GRIP2: variants seen among roughly 807,000 people sequenced by gnomAD.
GRIP2 encodes the protein glutamate receptor interacting protein 2, also known as glutamate receptor-interacting protein 2.
In GRIP2, 58 loss-of-function variants were observed where a neutral mutation model predicts 108.3. The ratio of observed to expected loss-of-function variants is 0.54; its 90% CI spans 0.43 to 0.67. GRIP2 has a LOEUF of 0.67. GRIP2 is among the 30% of genes least tolerant of loss of function. The probability of loss-of-function intolerance (pLI) is 0.00; values close to 1 mark genes in which losing one functional copy is unlikely to be tolerated. For missense variants in GRIP2, 1,278 were observed against 1,430.6 expected, an observed-to-expected ratio of 0.89 and a Z score of 1.72; for synonymous variants, 586 against 598.2, an observed-to-expected ratio of 0.98 and a Z score of 0.30.
chr3:14,505,843 G>T lies in GRIP2; in HGVS notation c.2399-54C>A. On this transcript the variant is annotated intron_variant, in intron 19 of 23. Transcript: ENST00000621039. This position sits in a 1 kb window ranked among gnomAD's most constrained non-coding sequence, Gnocchi z 4.2. ...CCCTGCGGCCTCACCTTGCCCTCCTGCCTGCCCCATTTCCAGCTGTGCTGA... is the reference window on the plus strand; with the variant it reads ...CCCTGCGGCCTCACCTTGCCCTCCTTCCTGCCCCATTTCCAGCTGTGCTGA... The T allele has an allele frequency of 2.8e-6, 4 of 1,442,576 alleles. No individual in the cohort carries two copies. In the South Asian group the frequency reaches 4.4e-5, roughly 16 times the overall value. The allele number at this position is 1,442,576 out of a possible 1,614,324, so 89.4% of individuals were successfully genotyped here. A position where few individuals can be genotyped will look rare whatever the true frequency, so the allele number is the denominator to read the frequency against.
At chr3:14,589,648 C>T in the GRIP2 span, among the ~76,000 whole-genome samples, 1 of 152,020 alleles carries the variant, frequency 6.6e-6, no homozygotes, top group African/African-American at 2.4e-5. Context: ...AAGGAACGGC[C>T]GGGTCAAAGA....
In GRIP2 at chr3:14,503,549, A is replaced by T. The variant is rs1286203167; in HGVS notation, c.2679+17T>A. 6.3e-6 allele frequency: 10 copies of T among 1,576,128 alleles called. No homozygotes were observed. Among genetic ancestry groups the T allele is most frequent in the Admixed American group, 1.7e-5 (1 of 58,410 alleles). On this transcript the variant is annotated intron_variant, in intron 21 of 23. Coordinates refer to ENST00000621039, the MANE Select transcript of GRIP2 (RefSeq NM_001080423.4). ...CCCCGGGTGCCCCATGCAGGCCTGC[A>T]GGGCAGGCAGCCATACCTCCAGTTC...
chr3:14,553,446 A>C (rs1695184644), intron 1 of GRIP2, among the ~76,000 whole-genome samples: 1 of 151,972 alleles, frequency 6.6e-6, no homozygotes, highest in Non-Finnish European at 1.5e-5. Flanking sequence ...TCCCCTCCTT[A>C]TCTACCTGGC....
chr3:14,503,221 G>A (rs925495035), intron 21 of GRIP2, among the ~76,000 whole-genome samples: 3 of 151,116 alleles, frequency 2.0e-5, no homozygotes, highest in African/African-American at 4.9e-5. Context: ...GTGCACAATC[G>A]GACACACATG....
the GRIP2 span, among the ~76,000 whole-genome samples, chr3:14,561,363 A>G: frequency 1.3e-5 from 2 of 152,208 alleles, no homozygotes; most frequent in African/African-American, 4.8e-5. Flanking sequence ...TCTGGCCTCC[A>G]TGGGCTGTAC....
the GRIP2 span, among the ~76,000 whole-genome samples, chr3:14,583,545 G>A: frequency 6.6e-6 from 1 of 152,178 alleles, no homozygotes; most frequent in African/African-American, 2.4e-5. Flanking sequence ...AGGCTGGGAG[G>A]CTGGGAGGCT....
chr3:14,573,382 T>C, the GRIP2 span: 190,790 of 1,318,620 alleles, frequency 0.14, 14,935 homozygotes, highest in African/African-American at 0.23. Flanking sequence ...TCCCGCGGGA[T>C]GGTCATCTGG....
rs974706672 is a variant in GRIP2, at chr3:14,537,416, C to T, written c.40+2853G>A. ...GCAATCAACACCATCTAAATATTTA[C>T]GACTATTTTTACTGGGATGTCAGCT... On this transcript the variant is annotated intron_variant, in intron 1 of 23. Coordinates refer to ENST00000621039, the MANE Select transcript of GRIP2 (RefSeq NM_001080423.4). 4.6e-5 allele frequency among the ~76,000 whole-genome samples: 7 copies of T among 152,360 alleles called. No homozygotes were observed. In the East Asian group the frequency reaches 5.8e-4, roughly 13 times the overall value.
At chr3:14,532,837 C>G (rs1028642631) in intron 1 of GRIP2, among the ~76,000 whole-genome samples, 1 of 151,944 alleles carries the variant, frequency 6.6e-6, no homozygotes, top group Non-Finnish European at 1.5e-5. Flanking sequence ...CCGGATACTG[C>G]TGAGTTGAGG....
At chr3:14,579,888 C>T in the GRIP2 span, among the ~76,000 whole-genome samples, 1 of 152,240 alleles carries the variant, frequency 6.6e-6, no homozygotes, top group African/African-American at 2.4e-5. Context: ...CAGAACCCCA[C>T]ATCCTTCCAT....
intron 1 of GRIP2, among the ~76,000 whole-genome samples, chr3:14,534,135 G>C (rs1402842936): frequency 3.9e-5 from 6 of 152,194 alleles, no homozygotes; most frequent in Non-Finnish European, 1.5e-5. Flanking sequence ...ATTCAGAGGG[G>C]ACATAGGGCC....
chr3:14,493,628 T>G lies in GRIP2; in HGVS notation c.*37A>C, dbSNP rs756453422. 5 of 1,531,560 alleles carry G rather than the reference T, an allele frequency of 3.3e-6. No individual in the cohort carries two copies. In the Admixed American group the frequency reaches 5.8e-5, roughly 18 times the overall value. 94.9% of individuals were successfully genotyped at this position (1,531,560 alleles called of 1,614,324 possible). ...ACGTGTCTGGGAGCCAGGATCTGCC[T>G]GGGTGGCCCCTTAGGAGTTCGGCCC... On this transcript the variant is annotated 3_prime_UTR_variant, in exon 24 of 24. Transcript: ENST00000621039.
At chr3:14,557,233 T>C (rs1234918774), upstream of GRIP2, among the ~76,000 whole-genome samples, 1 of 152,248 alleles carries the variant, frequency 6.6e-6, no homozygotes, top group Non-Finnish European at 1.5e-5. Context: ...CAGTTCTGGA[T>C]ACACAGATCT....
chr3:14,515,070 T>C (rs1694212410), intron 11 of GRIP2, among the ~76,000 whole-genome samples: 1 of 152,228 alleles, frequency 6.6e-6, no homozygotes, highest in East Asian at 1.9e-4. Flanking sequence ...TCTGGGCACT[T>C]TATATAAACA....
At chr3:14,578,773 G>A in the GRIP2 span, among the ~76,000 whole-genome samples, 1 of 150,482 alleles carries the variant, frequency 6.6e-6, no homozygotes, top group Non-Finnish European at 1.5e-5. Flanking sequence ...TTATTTGTCA[G>A]GTGAGTCAGC....
chr3:14,588,940 A>C, the GRIP2 span, among the ~76,000 whole-genome samples: 1 of 152,036 alleles, frequency 6.6e-6, no homozygotes, highest in Non-Finnish European at 1.5e-5. Flanking sequence ...CAGCCCCCCA[A>C]AACCTGCCTC....
intron 21 of GRIP2, among the ~76,000 whole-genome samples, chr3:14,503,259 T>C (rs1429261274): frequency 1.3e-5 from 2 of 150,892 alleles, no homozygotes; most frequent in Non-Finnish European, 2.9e-5. Flanking sequence ...CAAATGTGCA[T>C]GCATGAGCAT....
intron 21 of GRIP2, among the ~76,000 whole-genome samples, chr3:14,501,542 G>T (rs943483609): frequency 2.0e-5 from 3 of 151,974 alleles, no homozygotes; most frequent in Non-Finnish European, 2.9e-5. Context: ...TTGGTATTAG[G>T]AAAGATTAAA....
chr3:14,493,628 TG>T lies in GRIP2; in HGVS notation c.*36del. On this transcript the variant is annotated 3_prime_UTR_variant, in exon 24 of 24. Transcript: ENST00000621039. ...ACGTGTCTGGGAGCCAGGATCTGCC[TG>T]GGTGGCCCCTTAGGAGTTCGGCCCA... 6.5e-7 allele frequency: 1 copy of T among 1,531,678 alleles called. No homozygotes were observed. Among genetic ancestry groups the T allele is most frequent in the South Asian group, 1.2e-5 (1 of 82,872 alleles). The allele number at this position is 1,531,678 out of a possible 1,614,324, so 94.9% of individuals were successfully genotyped here. A position where few individuals can be genotyped will look rare whatever the true frequency, so the allele number is the denominator to read the frequency against.
Sources: allele counts gnomAD v4.1 joint callset (sites outside exome capture counted in the v4.1 genomes callset), GRCh38; gene constraint gnomAD v4.1.1; non-coding constraint Gnocchi (gnomAD v3.1); transcripts MANE v1.5; gene names NCBI Gene and HGNC (gene_info 2026-07-23, HGNC 2026-07-21).